Variants in POU2AF2 observed in about 807,000 individuals in gnomAD.
The protein encoded by POU2AF2 is POU domain class 2-associating factor 2.
chr11:111,255,358 G>A, the POU2AF2 span, among the ~76,000 whole-genome samples: 1 of 152,204 alleles, frequency 6.6e-6, no homozygotes, highest in African/African-American at 2.4e-5. Context: ...AATATAGTAA[G>A]TGCTCAATAA....
chr11:111,261,605 GA>G, the POU2AF2 span, among the ~76,000 whole-genome samples: 9 of 128,916 alleles, frequency 7.0e-5, no homozygotes, highest in Non-Finnish European at 1.3e-4. Context: ...GTAGGAAAAG[GA>G]AATCAGCTTG....
At chr11:111,280,051 A>ATAT in the POU2AF2 span, among the ~76,000 whole-genome samples, 2 of 63,954 alleles carry the variant, frequency 3.1e-5, no homozygotes, top group Non-Finnish European at 7.0e-5. Flanking sequence ...AAAAAAAAAA[A>ATAT]AAAAAAATAT....
the POU2AF2 span, among the ~76,000 whole-genome samples, chr11:111,268,474 C>CTTTTTTTTTTTTTTTTTT: frequency 1.4e-5 from 1 of 70,794 alleles, no homozygotes; most frequent in Admixed American, 1.9e-4. Flanking sequence ...CTACATTTTT[C>CTTTTTTTTTTTTTTTTTT]TTTTTTTATT....
chr11:111,267,194 C>T, the POU2AF2 span, among the ~76,000 whole-genome samples: 1,015 of 152,324 alleles, frequency 6.7e-3, 12 homozygotes, highest in African/African-American at 0.023. Flanking sequence ...TAGAATTTAT[C>T]TCCAGTTCTA....
the POU2AF2 span, among the ~76,000 whole-genome samples, chr11:111,271,888 G>T: frequency 1.3e-5 from 2 of 152,064 alleles, no homozygotes; most frequent in African/African-American, 4.8e-5. Flanking sequence ...ATGGTGAAGG[G>T]TGCCTGTAAT....
the POU2AF2 span, among the ~76,000 whole-genome samples, chr11:111,271,190 G>A: frequency 6.6e-6 from 1 of 152,030 alleles, no homozygotes; most frequent in African/African-American, 2.4e-5. Flanking sequence ...GGATGTGGTG[G>A]CAGATGCCTG....
chr11:111,246,886 C>T, the POU2AF2 span, among the ~76,000 whole-genome samples: 1 of 152,240 alleles, frequency 6.6e-6, no homozygotes, highest in African/African-American at 2.4e-5. Context: ...TAACTGTAGT[C>T]CTTATGTTGT....
At chr11:111,260,954 T>C in the POU2AF2 span, among the ~76,000 whole-genome samples, 21 of 152,238 alleles carry the variant, frequency 1.4e-4, no homozygotes, top group African/African-American at 5.1e-4. Flanking sequence ...GATCCATCTT[T>C]ACCGCAGCTT....
At chr11:111,256,638 T>C in the POU2AF2 span, among the ~76,000 whole-genome samples, 1 of 152,340 alleles carries the variant, frequency 6.6e-6, no homozygotes, top group Non-Finnish European at 1.5e-5. Context: ...AAATGACCTC[T>C]GGGGTCCCTT....
At chr11:111,264,605 G>C in the POU2AF2 span, among the ~76,000 whole-genome samples, 32 of 116,804 alleles carry the variant, frequency 2.7e-4, 6 homozygotes, top group South Asian at 1.4e-3. Flanking sequence ...AGAAGAAAGA[G>C]ACGAAAGAAA....
At chr11:111,268,490 TTATTTTATTTTATTTTATTTTA>T in the POU2AF2 span, among the ~76,000 whole-genome samples, 8 of 46,676 alleles carry the variant, frequency 1.7e-4, no homozygotes, top group Middle Eastern at 0.019. Context: ...TTATTTTATT[TTATTTTATTTTATTTTATTTTA>T]TTTTATTTTA....
the POU2AF2 span, among the ~76,000 whole-genome samples, chr11:111,252,144 C>T: frequency 6.6e-6 from 1 of 152,162 alleles, no homozygotes; most frequent in African/African-American, 2.4e-5. Flanking sequence ...ATTCCCAGGC[C>T]CTCCTCCTTC....
At chr11:111,256,254 C>T in the POU2AF2 span, among the ~76,000 whole-genome samples, 1 of 152,252 alleles carries the variant, frequency 6.6e-6, no homozygotes, top group Non-Finnish European at 1.5e-5. Context: ...CAATCTTTCT[C>T]TCACTTAGTG....
the POU2AF2 span, chr11:111,285,686 C>T: frequency 3.7e-6 from 6 of 1,613,314 alleles, no homozygotes; most frequent in South Asian, 1.1e-5. Flanking sequence ...GCCTGACGGT[C>T]TCAGCCAGCC....
At chr11:111,261,415 A>G in the POU2AF2 span, among the ~76,000 whole-genome samples, 10 of 152,364 alleles carry the variant, frequency 6.6e-5, no homozygotes, top group South Asian at 2.1e-3. Flanking sequence ...TATTATATGT[A>G]GAAAAAAGGC....
chr11:111,273,443 G>A, the POU2AF2 span, among the ~76,000 whole-genome samples: 1 of 152,160 alleles, frequency 6.6e-6, no homozygotes, highest in Non-Finnish European at 1.5e-5. Context: ...TGATGACAAT[G>A]AAAAATTAAA....
At chr11:111,247,679 C>T in the POU2AF2 span, among the ~76,000 whole-genome samples, 2 of 151,194 alleles carry the variant, frequency 1.3e-5, no homozygotes, top group Admixed American at 6.6e-5. Context: ...ACCAGCTACT[C>T]GGGAGGCTGA....
the POU2AF2 span, among the ~76,000 whole-genome samples, chr11:111,252,215 C>T: frequency 6.6e-6 from 1 of 152,144 alleles, no homozygotes; most frequent in African/African-American, 2.4e-5. Context: ...CTTGCTCAGC[C>T]AGGACTGCGT....
At chr11:111,248,648 G>A in the POU2AF2 span, among the ~76,000 whole-genome samples, 1 of 152,104 alleles carries the variant, frequency 6.6e-6, no homozygotes, top group African/African-American at 2.4e-5. Flanking sequence ...GGATGATTTT[G>A]CTTTTTCTTT....
Sources: gnomAD v4.1 joint callset for allele counts (sites outside exome capture counted in the v4.1 genomes callset) on GRCh38, gnomAD v4.1.1 for gene constraint, MANE v1.5 for transcripts, NCBI Gene and HGNC (gene_info 2026-07-23, HGNC 2026-07-21) for gene names.